The following NEIL1 variants were observed in gnomAD, a reference collection of about 807,000 sequenced individuals.
NEIL1 encodes the protein nei like DNA glycosylase 1.
Under a neutral mutation model 44.2 loss-of-function variants are expected in NEIL1, and 31 were observed. That is an observed-to-expected ratio of 0.70 (90% CI 0.53 to 0.95). The LOEUF is 0.95. Among genes scored for constraint, NEIL1 ranks in the 40% least tolerant of loss-of-function variants. NEIL1 has a pLI of 0.00. For missense variants in NEIL1, 549 were observed against 515.5 expected (o/e 1.07, Z -0.63); for synonymous variants, 254 against 209.7 (o/e 1.21, Z -1.83).
Position 75,356,430 on chromosome 15 carries a change from G to C in NEIL1, c.*1396G>C. ...TTAGGCTGTAGGCAGCTTGGATAAC[G>C]CCAGCATCCTGGAAAGAGCCTGGGG... is the stretch of plus-strand genomic sequence containing the variant. On this transcript the variant is annotated 3_prime_UTR_variant, in exon 10 of 10. Transcript: ENST00000355059. This position sits in a 1 kb window ranked among gnomAD's most constrained non-coding sequence, Gnocchi z 5.8. 6.2e-7 allele frequency: 1 copy of C among 1,604,504 alleles called. No individual in the cohort carries two copies. The highest frequency in any genetic ancestry group is 8.5e-7 in the Non-Finnish European group (1 of 1,176,306).
chr15:75,354,264 G>T lies in NEIL1; in HGVS notation c.861G>T (p.Pro287=). The change falls in exon 7 of 10, where the codon CCG becomes CCT. Residue 287 remains proline, a synonymous_variant. Coordinates refer to ENST00000355059, the MANE Select transcript of NEIL1 (RefSeq NM_024608.4). ...RTIWFQGDPG[P]LAPKGRKSRK... ...TCCCATTTTAGGGGGATCCTGGACC[G>T]TTGGCACCCAAAGGTAAGCTACTCC... 6.2e-7 allele frequency: 1 copy of T among 1,614,062 alleles called. No homozygotes were observed. The highest frequency in any genetic ancestry group is 8.5e-7 in the Non-Finnish European group (1 of 1,179,960).
intron 1 of NEIL1, chr15:75,348,016 GGA>G (rs1349562548): frequency 1.7e-6 from 2 of 1,180,244 alleles, no homozygotes; most frequent in Non-Finnish European, 2.2e-6. Flanking sequence ...GGCAAAGCAG[GGA>G]GGGCGGAGGT....
chr15:75,356,340 G>A lies in NEIL1; in HGVS notation c.*1306G>A, dbSNP rs200831415. ...CCAATACGACCGCGGGTGAAGACACGGAAAACGCACTCCAGGAGGTGGCGG... is the reference window on the plus strand; with the variant it reads ...CCAATACGACCGCGGGTGAAGACACAGAAAACGCACTCCAGGAGGTGGCGG... On this transcript the variant is annotated 3_prime_UTR_variant, in exon 10 of 10. Transcript: ENST00000355059. The surrounding 1 kb of genome is among the most constrained non-coding windows in gnomAD (Gnocchi z 5.8). The A allele has an allele frequency of 1.2e-5, 20 of 1,612,394 alleles. No homozygotes were observed. In the East Asian group the frequency reaches 2.0e-4, roughly 16 times the overall value.
chr15:75,348,442 A>G (rs953087475), intron 1 of NEIL1: 27 of 1,014,834 alleles, frequency 2.7e-5, no homozygotes, highest in Non-Finnish European at 7.1e-6. Context: ...GCCTGGAGAA[A>G]GAGACAGCGT....
Position 75,349,208 on chromosome 15 carries a change from T to C in NEIL1, c.303T>C (p.Phe101=), listed in dbSNP as rs1458101977. 3 of 1,609,406 alleles carry C rather than the reference T, an allele frequency of 1.9e-6. No individual in the cohort carries two copies. In the South Asian group the frequency reaches 3.3e-5, roughly 18 times the overall value. Residue 101 remains phenylalanine, a synonymous_variant, in exon 2 of 10, where the codon TTT becomes TTC. Coordinates refer to ENST00000355059, the MANE Select transcript of NEIL1 (RefSeq NM_024608.4). ...EELPRHAHLR[F]YTAPPGPRLA... is the part of the protein sequence containing the mutation. Reference sequence around the variant, plus strand: ...TGCCACGCCATGCCCACCTGCGCTTTTACACGGCCCCGCCTGGCCCCCGGC... The same window carrying C: ...TGCCACGCCATGCCCACCTGCGCTTCTACACGGCCCCGCCTGGCCCCCGGC...
Position 75,352,392 on chromosome 15 carries a change from G to A in NEIL1, c.618+5G>A. The A allele has an allele frequency of 6.2e-7, 1 of 1,613,424 alleles. No individual in the cohort carries two copies. Among genetic ancestry groups the A allele is most frequent in the East Asian group, 2.2e-5 (1 of 44,884 alleles). On this transcript the variant is annotated splice_donor_5th_base_variant and intron_variant, in intron 4 of 9. Transcript: ENST00000355059. Reference sequence around the variant, plus strand: ...GCCCTGCAGCAGCACAGGCCGGTAAGCCCAGAGAGGGATGGAGCACACGTG... The same window carrying A: ...GCCCTGCAGCAGCACAGGCCGGTAAACCCAGAGAGGGATGGAGCACACGTG...
chr15:75,356,420 C>T lies in NEIL1; in HGVS notation c.*1386C>T, dbSNP rs2072301893. 3 of 1,607,418 alleles carry T rather than the reference C, an allele frequency of 1.9e-6. No individual in the cohort carries two copies. The highest frequency in any genetic ancestry group is 2.5e-6 in the Non-Finnish European group (3 of 1,177,592). ...AGGGGGAAGTTTAGGCTGTAGGCAG[C>T]TTGGATAACGCCAGCATCCTGGAAA... On this transcript the variant is annotated 3_prime_UTR_variant, in exon 10 of 10. Transcript: ENST00000355059. The surrounding 1 kb of genome is among the most constrained non-coding windows in gnomAD (Gnocchi z 5.8).
At chr15:75,351,978 G>T in intron 2 of NEIL1, 133 bp from the exon 3 acceptor site, 2 of 772,614 alleles carry the variant, frequency 2.6e-6, no homozygotes, top group East Asian at 2.6e-5. Flanking sequence ...ATAGGAAAAC[G>T]GGGGCAGGGA....
chr15:75,354,205 G>A lies in NEIL1; in HGVS notation c.847-45G>A, dbSNP rs5745929. 4.3e-6 allele frequency: 7 copies of A among 1,612,270 alleles called. No individual in the cohort carries two copies. The African/African-American group carries it at 9.4e-5, about 22-fold the overall frequency. ...TGCCTCTCCAAGGAATACCGCCCCT[G>A]TGCCAACCCAGGCTGATTCCTGAAT... On this transcript the variant is annotated intron_variant, in intron 6 of 9. Coordinates refer to ENST00000355059, the MANE Select transcript of NEIL1 (RefSeq NM_024608.4).
intron 1 of NEIL1, chr15:75,348,260 C>A: frequency 1.1e-6 from 1 of 935,870 alleles, no homozygotes; most frequent in Non-Finnish European, 1.3e-6. Context: ...CCGGTTCTCG[C>A]TGCGGCCAAG....
chr15:75,353,370 C>T (rs968637458), intron 5 of NEIL1: 3 of 334,378 alleles, frequency 9.0e-6, no homozygotes, highest in Non-Finnish European at 1.2e-5. Flanking sequence ...TACAGGCTCA[C>T]ACCACCACAC....
At chr15:75,351,469 G>C (rs1161380528) in intron 2 of NEIL1, 1 of 347,762 alleles carries the variant, frequency 2.9e-6, no homozygotes, top group Non-Finnish European at 5.6e-6. Flanking sequence ...GTAGAGATGG[G>C]GTCTTCCTTG....
rs373393927 is a variant in NEIL1, at chr15:75,354,277, G to A, written c.874G>A (p.Gly292Arg). ...GGATCCTGGACCGTTGGCACCCAAAGGTAAGCTACTCCTAATGTAATAGGC... is the reference window on the plus strand; with the variant it reads ...GGATCCTGGACCGTTGGCACCCAAAAGTAAGCTACTCCTAATGTAATAGGC... Reference protein sequence around the residue: ...QGDPGPLAPKGRKSRKKKSKA... With the variant: ...QGDPGPLAPKRRKSRKKKSKA... Residue 292 changes from glycine to arginine, a missense_variant and splice_region_variant, in exon 7 of 10, where the codon GGG (glycine) becomes AGG (arginine). Coordinates refer to ENST00000355059, the MANE Select transcript of NEIL1 (RefSeq NM_024608.4). The A allele has an allele frequency of 5.6e-6, 9 of 1,613,978 alleles. No homozygotes were observed. The highest frequency in any genetic ancestry group is 4.0e-5 in the African/African-American group (3 of 74,898).
chr15:75,355,890 C>T lies in NEIL1; in HGVS notation c.*856C>T. ...TCCCCAGAGCCTTCTACAAACAAAA[C>T]CCCAGCCCCAGGGACTCAGTGTGGC... On this transcript the variant is annotated 3_prime_UTR_variant, in exon 10 of 10. Transcript: ENST00000355059. The T allele has an allele frequency of 2.5e-6, 4 of 1,614,052 alleles. No homozygotes were observed. Among genetic ancestry groups the T allele is most frequent in the Non-Finnish European group, 3.4e-6 (4 of 1,179,980 alleles).
chr15:75,354,715 G>A lies in NEIL1; in HGVS notation c.999G>A (p.Lys333=), dbSNP rs2072215700. Reference sequence around the variant, plus strand: ...GAAGGGCAAAGAGAGACCTTCCTAAGAGGACTGCAACCCAGCGGCCTGAGG... The same window carrying A: ...GAAGGGCAAAGAGAGACCTTCCTAAAAGGACTGCAACCCAGCGGCCTGAGG... ...RTRRAKRDLP[K]RTATQRPEGT... Residue 333 remains lysine (K), a synonymous_variant, in exon 9 of 10, where the codon AAG becomes AAA. Transcript: ENST00000355059. 1 of 1,614,174 alleles carries A rather than the reference G, an allele frequency of 6.2e-7. No individual in the cohort carries two copies. The highest frequency in any genetic ancestry group is 1.1e-5 in the South Asian group (1 of 91,090).
rs2141319402 is a variant in NEIL1 at position 75,354,836 on chromosome 15, C to T, written c.1102+18C>T. 1 of 1,613,892 alleles carries T rather than the reference C, an allele frequency of 6.2e-7. No homozygotes were observed. Among genetic ancestry groups the T allele is most frequent in the East Asian group, 2.2e-5 (1 of 44,886 alleles). On this transcript the variant is annotated intron_variant, in intron 9 of 9. Coordinates refer to ENST00000355059, the MANE Select transcript of NEIL1 (RefSeq NM_024608.4). ...AGCCTCTGGTGGGCTTTCCTCATCA[C>T]TCCCAGAAACTGGCTCTACAGGAGA... is the stretch of plus-strand genomic sequence containing the variant.
chr15:75,349,536 C>T (rs1242032652), intron 2 of NEIL1, 197 bp downstream of exon 2: 6 of 599,994 alleles, frequency 1.0e-5, no homozygotes, highest in Non-Finnish European at 1.4e-5. Context: ...AATTGGGGGC[C>T]GGGTGTGGTG....
chr15:75,350,695 G>A (rs2071819686), intron 2 of NEIL1, among the ~76,000 whole-genome samples: 1 of 152,156 alleles, frequency 6.6e-6, no homozygotes, highest in South Asian at 2.1e-4. Context: ...CATCCCCAGG[G>A]AAACATCTGT....
rs372384232 is a variant in NEIL1 at position 75,348,817 on chromosome 15, T to G, written c.-22-67T>G. 156 of 1,545,952 alleles carry G rather than the reference T, an allele frequency of 1.0e-4. No homozygotes were observed. The African/African-American group carries it at 2.1e-3, about 20-fold the overall frequency. On this transcript the variant is annotated intron_variant, in intron 1 of 9. Coordinates refer to ENST00000355059, the MANE Select transcript of NEIL1 (RefSeq NM_024608.4). Reference sequence around the variant, plus strand: ...GACCCTCCGAGTTCTCCTCTAAAAATGGGGCTGACAGCCGCTACCTCACAA... The same window carrying G: ...GACCCTCCGAGTTCTCCTCTAAAAAGGGGGCTGACAGCCGCTACCTCACAA...
Sources: allele counts gnomAD v4.1 joint callset (sites outside exome capture counted in the v4.1 genomes callset), GRCh38; gene constraint gnomAD v4.1.1; non-coding constraint Gnocchi (gnomAD v3.1); transcripts MANE v1.5; gene names NCBI Gene and HGNC (gene_info 2026-07-23, HGNC 2026-07-21).